The following SRSF4 variants were observed in gnomAD, a reference collection of about 807,000 sequenced individuals.
SRSF4 encodes the protein serine and arginine rich splicing factor 4.
In SRSF4, 12 loss-of-function variants were observed where a neutral mutation model predicts 48.8. The observed-to-expected ratio is 0.25, with a 90% CI of 0.16 to 0.40. The LOEUF is 0.40. Among genes scored for constraint, SRSF4 ranks in the 10% least tolerant of loss-of-function variants. The pLI is 1.00. For missense variants in SRSF4, 466 were observed against 667.1 expected, an observed-to-expected ratio of 0.70 and a Z score of 3.32; for synonymous variants, 248 against 232.5, an observed-to-expected ratio of 1.07 and a Z score of -0.61.
At chr1:29,174,501 A>G (rs1672805214) in intron 1 of SRSF4, among the ~76,000 whole-genome samples, 1 of 152,146 alleles carries the variant, frequency 6.6e-6, no homozygotes, top group South Asian at 2.1e-4. Flanking sequence ...TTGGAGTACT[A>G]TGTAGCCATT....
intron 3 of SRSF4, among the ~76,000 whole-genome samples, chr1:29,158,613 A>T (rs1472682671): frequency 6.6e-6 from 1 of 152,122 alleles, no homozygotes; most frequent in Admixed American, 6.6e-5. Flanking sequence ...TATCTTTTTA[A>T]GTAGAGACAG....
intron 1 of SRSF4, among the ~76,000 whole-genome samples, chr1:29,162,192 T>C (rs1672608796): frequency 6.6e-6 from 1 of 152,218 alleles, no homozygotes; most frequent in African/African-American, 2.4e-5. Context: ...TTATGGGCTG[T>C]GAAGTCTTTA....
chr1:29,161,462 T>G (rs1391164515), intron 1 of SRSF4, among the ~76,000 whole-genome samples: 1 of 152,194 alleles, frequency 6.6e-6, no homozygotes, highest in African/African-American at 2.4e-5. Context: ...CTTTAAACTC[T>G]AGTAAGGCTG....
chr1:29,181,666 C>T lies in SRSF4; in HGVS notation c.87G>A (p.Leu29=), dbSNP rs764275605. The change falls in exon 1 of 6, where the codon CTG becomes CTA. Residue 29 remains leucine, a synonymous_variant. Coordinates refer to ENST00000373795, the MANE Select transcript of SRSF4 (RefSeq NM_005626.5). Reference sequence around the variant, plus strand: ...CTCACCCGTTCTTCAGATCCACCTCCAGGATCTTCCCGTAGCCCTTAAAGA... The same window carrying T: ...CTCACCCGTTCTTCAGATCCACCTCTAGGATCTTCCCGTAGCCCTTAAAGA... The part of the protein sequence containing the change: ...ERFFKGYGKI[L]EVDLKNGYGF... 6.3e-7 allele frequency: 1 copy of T among 1,595,296 alleles called. No homozygotes were observed.
intron 4 of SRSF4, 21 bp downstream of exon 4, chr1:29,154,675 C>G: frequency 6.2e-7 from 1 of 1,611,406 alleles, no homozygotes; most frequent in Non-Finnish European, 8.5e-7. Context: ...AGCTCCAACA[C>G]ACAAAAGACA....
chr1:29,176,579 T>A (rs1672857195), intron 1 of SRSF4, among the ~76,000 whole-genome samples: 1 of 151,622 alleles, frequency 6.6e-6, no homozygotes, highest in Non-Finnish European at 1.5e-5. Flanking sequence ...TACTTCCTAA[T>A]CTGTCAAGAA....
chr1:29,163,892 G>C (rs1438301408), intron 1 of SRSF4, among the ~76,000 whole-genome samples: 1 of 152,164 alleles, frequency 6.6e-6, no homozygotes, highest in Non-Finnish European at 1.5e-5. Context: ...ACTTTGAAGA[G>C]CAAATTTAAA....
chr1:29,170,103 C>T (rs188426643), intron 1 of SRSF4: 1 of 152,224 alleles, frequency 6.6e-6, no homozygotes, highest in African/African-American at 2.4e-5. Flanking sequence ...AAAGGGAGGG[C>T]AGATACAATC....
At chr1:29,175,354 T>A (rs926920884) in intron 1 of SRSF4, among the ~76,000 whole-genome samples, 4 of 150,536 alleles carry the variant, frequency 2.7e-5, no homozygotes, top group African/African-American at 9.8e-5. Flanking sequence ...TGAGCCACGA[T>A]TGTGCCACTG....
chr1:29,154,679 A>C lies in SRSF4; in HGVS notation c.578+17T>G. 6.2e-7 allele frequency: 1 copy of C among 1,612,222 alleles called. No individual in the cohort carries two copies. The highest frequency in any genetic ancestry group is 8.5e-7 in the Non-Finnish European group (1 of 1,178,982). On this transcript the variant is annotated intron_variant, in intron 4 of 5. Transcript: ENST00000373795. ...AATTTATGATGAGCTCCAACACACAAAAGACATCAACAGTACCTTGAATGA... is the reference window on the plus strand; with the variant it reads ...AATTTATGATGAGCTCCAACACACACAAGACATCAACAGTACCTTGAATGA...
chr1:29,175,273 G>A (rs539367492), intron 1 of SRSF4, among the ~76,000 whole-genome samples: 12 of 151,808 alleles, frequency 7.9e-5, no homozygotes, highest in African/African-American at 2.9e-4. Flanking sequence ...ATTAGCCGGG[G>A]GTGGTGGTGC....
chr1:29,180,224 A>G (rs947931736), intron 1 of SRSF4, among the ~76,000 whole-genome samples: 2 of 152,180 alleles, frequency 1.3e-5, no homozygotes, highest in Non-Finnish European at 2.9e-5. Context: ...AAAGTTAGTT[A>G]TGCTGTCAAT....
chr1:29,178,094 T>C (rs1366077579), intron 1 of SRSF4, among the ~76,000 whole-genome samples: 1 of 151,744 alleles, frequency 6.6e-6, no homozygotes, highest in African/African-American at 2.4e-5. Flanking sequence ...GAGATGGGGT[T>C]TCACCATGTT....
Position 29,148,575 on chromosome 1 carries a change from G to C in SRSF4, c.1320C>G (p.Thr440=). ...ESENAGTNQE[T]RSRSRSNSKS... Reference sequence around the variant, plus strand: ...TGGAATTGGATCTCGACCTGGACCGGGTCTCCTGATTGGTGCCAGCATTCT... The same window carrying C: ...TGGAATTGGATCTCGACCTGGACCGCGTCTCCTGATTGGTGCCAGCATTCT... The change falls in exon 6 of 6, where the codon ACC becomes ACG. Residue 440 remains threonine, a synonymous_variant. Transcript: ENST00000373795. 2 of 1,614,048 alleles carry C rather than the reference G, an allele frequency of 1.2e-6. No individual in the cohort carries two copies. Among genetic ancestry groups the C allele is most frequent in the Non-Finnish European group, 1.7e-6 (2 of 1,179,994 alleles).
intron 1 of SRSF4, among the ~76,000 whole-genome samples, chr1:29,164,387 T>A (rs775194827): frequency 6.6e-6 from 1 of 152,216 alleles, no homozygotes; most frequent in Non-Finnish European, 1.5e-5. Context: ...AGCTTAACAC[T>A]CCCTTTGTGC....
intron 3 of SRSF4, 120 bp downstream of exon 3, chr1:29,159,254 G>A (rs1244624379): frequency 9.8e-6 from 6 of 614,828 alleles, no homozygotes; most frequent in Admixed American, 6.3e-5. Context: ...TTCCAGCTCT[G>A]TGCAGGCTTT....
intron 1 of SRSF4, among the ~76,000 whole-genome samples, chr1:29,178,353 C>CTTCTTTTTTTTTTTTTTTTT (rs141096220): frequency 2.9e-4 from 37 of 127,898 alleles, no homozygotes; most frequent in African/African-American, 8.9e-4. Flanking sequence ...GTTTCAATTA[C>CTTCTTTTTTTTTTTTTTTTT]TTTTTTTTTT....
chr1:29,155,562 G>A (rs1244880071), intron 3 of SRSF4, among the ~76,000 whole-genome samples: 1 of 152,100 alleles, frequency 6.6e-6, no homozygotes, highest in Non-Finnish European at 1.5e-5. Flanking sequence ...ATGTGACCTC[G>A]GCTCACTGCA....
chr1:29,180,686 C>A (rs1398419921), intron 1 of SRSF4, among the ~76,000 whole-genome samples: 2 of 152,160 alleles, frequency 1.3e-5, no homozygotes, highest in East Asian at 3.8e-4. Context: ...ATTTTATATC[C>A]ATGCCTTCCA....
Sources: allele counts gnomAD v4.1 joint callset (sites outside exome capture counted in the v4.1 genomes callset), GRCh38; gene constraint gnomAD v4.1.1; transcripts MANE v1.5; gene names NCBI Gene and HGNC (gene_info 2026-07-23, HGNC 2026-07-21).